FRYL: variants seen among roughly 807,000 people sequenced by gnomAD.
The protein encoded by FRYL is protein furry homolog-like.
A neutral mutation model predicts 351.2 loss-of-function variants in FRYL; 150 were observed. The ratio of observed to expected loss-of-function variants is 0.43; its 90% confidence interval spans 0.37 to 0.49. The LOEUF (loss-of-function observed/expected upper bound fraction) is 0.49. FRYL is among the 20% of genes least tolerant of loss of function. The probability of loss-of-function intolerance (pLI) is 0.00; values close to 1 mark genes in which losing one functional copy is unlikely to be tolerated. For synonymous variants in FRYL, 1,153 were observed against 1,257.1 expected, an observed-to-expected ratio of 0.92 and a Z score of 1.75; for missense variants, 3,036 against 3,619.3, an observed-to-expected ratio of 0.84 and a Z score of 4.13.
intron 32 of FRYL, among the ~76,000 whole-genome samples, chr4:48,561,896 G>A (rs1239964189): frequency 1.3e-5 from 2 of 151,974 alleles, no homozygotes; most frequent in Non-Finnish European, 2.9e-5. Flanking sequence ...TGTGCCTGTG[G>A]TCCCAGCTAC....
chr4:48,539,213 A>G (rs189642488), intron 47 of FRYL, among the ~76,000 whole-genome samples: 1 of 152,290 alleles, frequency 6.6e-6, no homozygotes, highest in Non-Finnish European at 1.5e-5. Flanking sequence ...AATAAGGAAT[A>G]AAAAAAGAAT....
chr4:48,558,602 A>T (rs550278834), intron 33 of FRYL, among the ~76,000 whole-genome samples: 2 of 152,272 alleles, frequency 1.3e-5, no homozygotes, highest in Non-Finnish European at 2.9e-5. Context: ...CTTTTTTATC[A>T]CAATGAACAA....
Position 48,535,682 on chromosome 4 carries a change from A to T in FRYL, c.6539T>A (p.Phe2180Tyr). 6.3e-7 allele frequency: 1 copy of T among 1,587,792 alleles called. No homozygotes were observed. Among genetic ancestry groups the T allele is most frequent in the East Asian group, 2.2e-5 (1 of 44,456 alleles). Reference sequence around the variant, plus strand: ...CTCTGCAAGATAAGTCACAAGATTAAATGTTGTATCTGAGAAGGAGTCATG... The same window carrying T: ...CTCTGCAAGATAAGTCACAAGATTATATGTTGTATCTGAGAAGGAGTCATG... ...YLHDSFSDTT[F>Y]NLVTYLAELL... Residue 2180 changes from phenylalanine to tyrosine, a missense_variant, in exon 48 of 64, where the codon TTT (phenylalanine) becomes TAT (tyrosine). Phe to Tyr is a conservative substitution (Grantham distance 22). Coordinates refer to ENST00000358350, the MANE Select transcript of FRYL (RefSeq NM_015030.2).
intron 32 of FRYL, 103 bp from the exon 33 acceptor site, chr4:48,561,739 G>A (rs1735544817): frequency 6.9e-6 from 6 of 870,902 alleles, no homozygotes; most frequent in South Asian, 6.4e-5. Context: ...CCCCAGCTGA[G>A]TGGAGTGGCT....
chr4:48,774,546 A>T (rs1578997017), intron 1 of FRYL, among the ~76,000 whole-genome samples: 1 of 143,212 alleles, frequency 7.0e-6, no homozygotes. Context: ...AATACAAATA[A>T]TTTTTTTTTT....
At chr4:48,666,383 G>GTAAATAAATAAATAAA (rs140443013) in intron 3 of FRYL, among the ~76,000 whole-genome samples, 1 of 150,130 alleles carries the variant, frequency 6.7e-6, no homozygotes, top group African/African-American at 2.5e-5. Context: ...TAAATAAAAA[G>GTAAATAAATAAATAAA]TAAATAAATA....
At chr4:48,756,275 CAATTT>C (rs1457739709) in intron 1 of FRYL, among the ~76,000 whole-genome samples, 1 of 150,348 alleles carries the variant, frequency 6.7e-6, no homozygotes, top group East Asian at 2.0e-4. Flanking sequence ...TCCCAAAATA[CAATTT>C]AATTGGTAAA....
chr4:48,590,043 G>T (rs6447648), intron 17 of FRYL, among the ~76,000 whole-genome samples, 166 bp from the exon 18 acceptor site: 144,242 of 152,292 alleles, frequency 0.95, 68,421 homozygotes, highest in South Asian at 0.98. Context: ...TCAGTATATT[G>T]GACTAATTGG....
At chr4:48,663,362 C>T (rs1761150744) in intron 3 of FRYL, among the ~76,000 whole-genome samples, 1 of 149,860 alleles carries the variant, frequency 6.7e-6, no homozygotes. Context: ...TTTATATATA[C>T]ATAAAATAAG....
intron 3 of FRYL, 102 bp from the exon 4 acceptor site, chr4:48,634,592 C>T (rs1753867522): frequency 1.3e-6 from 1 of 741,418 alleles, no homozygotes; most frequent in Non-Finnish European, 2.1e-6. Context: ...AACCCTCAAC[C>T]AGTTCTCCCA....
At chr4:48,515,337 A>G (rs1418581454) in intron 55 of FRYL, 62 bp from the exon 56 acceptor site, 11 of 1,144,544 alleles carry the variant, frequency 9.6e-6, no homozygotes, top group East Asian at 5.0e-5. Context: ...TTACAACACA[A>G]TAAATAAGTA....
intron 55 of FRYL, among the ~76,000 whole-genome samples, chr4:48,518,160 G>A (rs1461350531): frequency 1.3e-5 from 2 of 152,164 alleles, no homozygotes; most frequent in African/African-American, 4.8e-5. Context: ...ATCCACTGGT[G>A]TTACGGTGTA....
intron 3 of FRYL, among the ~76,000 whole-genome samples, chr4:48,662,012 C>G (rs1223366858): frequency 6.6e-6 from 1 of 152,172 alleles, no homozygotes; most frequent in African/African-American, 2.4e-5. Flanking sequence ...TATAGAAACT[C>G]TCCAAAGTGA....
Position 48,633,799 on chromosome 4 carries a change from G to A in FRYL, c.120+492C>T, listed in dbSNP as rs141468256. Among the ~76,000 whole-genome samples, 543 of 152,098 alleles carry A rather than the reference G, an allele frequency of 3.6e-3. 1 individual carries two copies. The highest frequency in any genetic ancestry group is 0.01 in the Middle Eastern group (3 of 294). ...TATGTACAATAACTAAATAGTCTCCGCTCTCAATGTCTTCTCTCTCTATTG... is the reference window on the plus strand; with the variant it reads ...TATGTACAATAACTAAATAGTCTCCACTCTCAATGTCTTCTCTCTCTATTG... On this transcript the variant is annotated intron_variant, in intron 4 of 63. Coordinates refer to ENST00000358350, the MANE Select transcript of FRYL (RefSeq NM_015030.2).
intron 2 of FRYL, among the ~76,000 whole-genome samples, chr4:48,702,738 G>A (rs1352710023): frequency 7.8e-6 from 1 of 128,682 alleles, no homozygotes; most frequent in Non-Finnish European, 1.6e-5. Context: ...TCCAGCCTGG[G>A]CGACAGAGCA....
rs1474018326 is a variant in FRYL, at chr4:48,677,145, C to G, written c.-81+7528G>C. On this transcript the variant is annotated intron_variant, in intron 3 of 63. Transcript: ENST00000358350. ...CTAGGAAAATTTTTAAAATATTAGG[C>G]TACTTAACATTTAAAGAAAGTTAAA... 5.3e-5 allele frequency among the ~76,000 whole-genome samples: 8 copies of G among 152,046 alleles called. No individual in the cohort carries two copies. In the South Asian group the frequency reaches 1.0e-3, roughly 20 times the overall value.
At chr4:48,764,365 AC>A (rs1273279569) in intron 1 of FRYL, among the ~76,000 whole-genome samples, 1 of 5,250 alleles carries the variant, frequency 1.9e-4, no homozygotes, top group African/African-American at 2.1e-4. Context: ...CCTTGTCTCT[AC>A]AAAAAAATCA....
chr4:48,660,209 A>C (rs1307785566), intron 3 of FRYL, among the ~76,000 whole-genome samples: 2 of 152,148 alleles, frequency 1.3e-5, no homozygotes, highest in Non-Finnish European at 2.9e-5. Flanking sequence ...GCAACACAAT[A>C]AACAACATAG....
At chr4:48,645,870 C>T (rs578085241) in intron 3 of FRYL, 1 of 152,220 alleles carries the variant, frequency 6.6e-6, no homozygotes, top group East Asian at 1.9e-4. Context: ...TAGTTCTATT[C>T]CAACCATACA....
Sources: allele counts gnomAD v4.1 joint callset (sites outside exome capture counted in the v4.1 genomes callset), GRCh38; gene constraint gnomAD v4.1.1; transcripts MANE v1.5; gene names NCBI Gene and HGNC (gene_info 2026-07-23, HGNC 2026-07-21).